Variants in PPP2R2C observed in about 807,000 individuals in gnomAD.
The protein encoded by PPP2R2C is protein phosphatase 2, regulatory subunit B, gamma.
Under a neutral mutation model 45.3 loss-of-function variants are expected in PPP2R2C, and 10 were observed. That is an observed-to-expected ratio of 0.22 (90% CI 0.14 to 0.37). The LOEUF (loss-of-function observed/expected upper bound fraction) is 0.37. PPP2R2C is among the 10% of genes least tolerant of loss of function. PPP2R2C has a pLI of 1.00. For missense variants in PPP2R2C, 308 were observed against 619.7 expected (o/e 0.50, Z 5.34); for synonymous variants, 257 against 245.4 (o/e 1.05, Z -0.44).
At chr4:6,382,528 T>G in intron 1 of PPP2R2C, 1 of 1,351,430 alleles carries the variant, frequency 7.4e-7, no homozygotes. Context: ...TGAATTCTGA[T>G]CCCTCCTCAG....
chr4:6,444,002 C>G (rs1720293711), intron 1 of PPP2R2C, among the ~76,000 whole-genome samples: 1 of 152,204 alleles, frequency 6.6e-6, no homozygotes, highest in Admixed American at 6.5e-5. Context: ...GAAACCCAAC[C>G]AGGTCCAAAC....
intron 1 of PPP2R2C, among the ~76,000 whole-genome samples, chr4:6,547,538 A>G (rs1577252003): frequency 1.3e-5 from 2 of 152,260 alleles, no homozygotes; most frequent in Middle Eastern, 3.4e-3. Context: ...CCTGCCAAGA[A>G]AAACAGGCCT....
At chr4:6,434,391 C>T (rs1233958795) in intron 1 of PPP2R2C, among the ~76,000 whole-genome samples, 1 of 122,358 alleles carries the variant, frequency 8.2e-6, no homozygotes, top group Non-Finnish European at 1.6e-5. Flanking sequence ...CAGAGTCTCA[C>T]ACTGTCACCC....
chr4:6,351,330 T>TAAA (rs1712533921), intron 5 of PPP2R2C: 1 of 866,634 alleles, frequency 1.2e-6, no homozygotes, highest in South Asian at 5.6e-5. Context: ...AATAAATAAA[T>TAAA]TAATTAATTA....
intron 1 of PPP2R2C, among the ~76,000 whole-genome samples, chr4:6,547,816 A>G (rs1323918041): frequency 1.3e-5 from 2 of 152,232 alleles, no homozygotes; most frequent in East Asian, 3.8e-4. Context: ...GGTTCAAAAC[A>G]GATCACACAC....
At chr4:6,446,658 T>C (rs369187094) in intron 1 of PPP2R2C, among the ~76,000 whole-genome samples, 1 of 152,100 alleles carries the variant, frequency 6.6e-6, no homozygotes, top group East Asian at 1.9e-4. Context: ...CCGAGTTCCC[T>C]GCCTCCAAGA....
At chr4:6,491,199 G>A (rs1577218702) in intron 2 of PPP2R2C, among the ~76,000 whole-genome samples, 1 of 152,308 alleles carries the variant, frequency 6.6e-6, no homozygotes, top group East Asian at 1.9e-4. Flanking sequence ...AATTTGTATT[G>A]TTGGGTGAAT....
chr4:6,493,835 G>A (rs1018442996), intron 2 of PPP2R2C, among the ~76,000 whole-genome samples: 3 of 152,186 alleles, frequency 2.0e-5, no homozygotes, highest in East Asian at 1.9e-4. Flanking sequence ...CTCTTTAGTC[G>A]GGAGCCGTAG....
intron 1 of PPP2R2C, among the ~76,000 whole-genome samples, chr4:6,543,206 C>T (rs565188772): frequency 5.9e-5 from 9 of 152,208 alleles, no homozygotes; most frequent in Admixed American, 1.3e-4. Flanking sequence ...CTGAGCTCCT[C>T]ACAGTCAGCC....
At chr4:6,360,879 G>A (rs1378110066) in intron 5 of PPP2R2C, among the ~76,000 whole-genome samples, 2 of 152,082 alleles carry the variant, frequency 1.3e-5, no homozygotes, top group South Asian at 2.1e-4. Flanking sequence ...CCGTCTCCTC[G>A]GCTTGAAGGT....
intron 1 of PPP2R2C, among the ~76,000 whole-genome samples, chr4:6,400,808 A>G (rs1314910352): frequency 6.6e-6 from 1 of 152,240 alleles, no homozygotes; most frequent in Non-Finnish European, 1.5e-5. Context: ...GAATGCAAAC[A>G]TCTCAGAAAT....
intron 3 of PPP2R2C, among the ~76,000 whole-genome samples, chr4:6,377,605 G>A (rs1715432458): frequency 1.3e-5 from 2 of 152,168 alleles, no homozygotes; most frequent in South Asian, 2.1e-4. Flanking sequence ...GTTGCCGTGA[G>A]CAGAGATCGC....
intron 1 of PPP2R2C, chr4:6,382,098 T>C: frequency 1.5e-6 from 2 of 1,340,160 alleles, no homozygotes; most frequent in Non-Finnish European, 1.9e-6. Context: ...TGATTATTAC[T>C]TTTAATTTGA....
chr4:6,462,193 G>A (rs2108758712), intron 1 of PPP2R2C, among the ~76,000 whole-genome samples: 1 of 152,348 alleles, frequency 6.6e-6, no homozygotes, highest in African/African-American at 2.4e-5. Flanking sequence ...ATGGAATCCA[G>A]GCACAAATTA....
At chr4:6,374,094 T>C (rs975729767) in intron 4 of PPP2R2C, among the ~76,000 whole-genome samples, 2 of 152,186 alleles carry the variant, frequency 1.3e-5, no homozygotes, top group Non-Finnish European at 2.9e-5. Flanking sequence ...GCTATGCTGC[T>C]AACCTTCCCT....
chr4:6,536,716 T>C (rs1724627423), intron 1 of PPP2R2C, among the ~76,000 whole-genome samples: 1 of 152,246 alleles, frequency 6.6e-6, no homozygotes, highest in African/African-American at 2.4e-5. Context: ...CCTTGTCTGC[T>C]AGGGATTCAG....
At chr4:6,334,269 G>T (rs753189441) in intron 6 of PPP2R2C, among the ~76,000 whole-genome samples, 2 of 152,172 alleles carry the variant, frequency 1.3e-5, no homozygotes, top group Non-Finnish European at 1.5e-5. Flanking sequence ...TTGCCATGGG[G>T]TTTGTAACAA....
intron 1 of PPP2R2C, among the ~76,000 whole-genome samples, chr4:6,546,131 G>C (rs575546938): frequency 2.0e-5 from 3 of 152,332 alleles, no homozygotes; most frequent in African/African-American, 7.2e-5. Context: ...ACTGTATTCA[G>C]AGCTTTGGAG....
rs1375918180 is a variant in PPP2R2C at position 6,485,499 on chromosome 4, G to T, written c.49+49772C>A. The stretch of plus-strand genomic sequence containing the variant: ...GTCATCAGTAACGTCATCTGGGCCT[G>T]GAGTTTTCTTTGTGGAAAGGTTTTA... On this transcript the variant is annotated intron_variant, in intron 2 of 9. Coordinates refer to the PPP2R2C transcript ENST00000506140. 4.0e-5 allele frequency among the ~76,000 whole-genome samples: 6 copies of T among 151,886 alleles called. 1 individual carries two copies. The highest frequency in any genetic ancestry group is 3.9e-4 in the Admixed American group (6 of 15,252).
Sources: allele counts gnomAD v4.1 joint callset (sites outside exome capture counted in the v4.1 genomes callset), GRCh38; gene constraint gnomAD v4.1.1; transcripts MANE v1.5; gene names NCBI Gene and HGNC (gene_info 2026-07-23, HGNC 2026-07-21).